The following RALY variants were observed in gnomAD, a reference collection of about 807,000 sequenced individuals.
The protein encoded by RALY is RALY heterogeneous nuclear ribonucleoprotein.
A neutral mutation model predicts 30.7 loss-of-function variants in RALY; 15 were observed. That is an observed-to-expected ratio of 0.49 (90% confidence interval 0.33 to 0.75). RALY has a LOEUF of 0.75. RALY is among the 30% of genes least tolerant of loss of function. RALY has a pLI of 0.02. For synonymous variants in RALY, 177 were observed against 170.8 expected (o/e 1.04, Z -0.28); for missense variants, 339 against 414.3 (o/e 0.82, Z 1.58).
intron 1 of RALY, among the ~76,000 whole-genome samples, chr20:34,026,974 CAG>C (rs1435005177): frequency 2.0e-5 from 3 of 152,156 alleles, no homozygotes; most frequent in African/African-American, 7.2e-5. Context: ...TAGGCTGACA[CAG>C]AGCCTGGCAG....
At position 34,083,735 on chromosome 20, in the gene RALY, T is replaced by A. The variant is rs2122362933; in HGVS notation, c.*3830T>A. The A allele has an allele frequency of 6.6e-6, 1 of 152,360 alleles. No individual in the cohort carries two copies. The allele number at this position is 152,360 out of a possible 1,614,324, so 9.4% of individuals were successfully genotyped here. A position where few individuals can be genotyped will look rare whatever the true frequency, so the allele number is the denominator to read the frequency against. On this transcript the variant is annotated 3_prime_UTR_variant, in exon 10 of 10. Transcript: ENST00000246194. ...AGGTATTTGCCATCCCTGGCCAGGT[T>A]GACCCGTAAGGTCATAACCTGCCCC...
chr20:34,023,958 T>C (rs888442139), intron 1 of RALY, among the ~76,000 whole-genome samples: 2 of 152,130 alleles, frequency 1.3e-5, no homozygotes, highest in Admixed American at 6.5e-5. Context: ...CCCAGCACTT[T>C]GGGAGTCCAA....
intron 1 of RALY, among the ~76,000 whole-genome samples, chr20:33,999,035 C>T (rs1247241637): frequency 6.8e-6 from 1 of 148,102 alleles, no homozygotes. Flanking sequence ...GAGGCTAAGG[C>T]AGGAGAATCA....
At chr20:34,034,000 T>C (rs1176312965) in intron 2 of RALY, among the ~76,000 whole-genome samples, 1 of 152,080 alleles carries the variant, frequency 6.6e-6, no homozygotes, top group African/African-American at 2.4e-5. Flanking sequence ...TGCTGCAGAG[T>C]GCAGGTTTGA....
chr20:33,994,666 A>T (rs2030511933), intron 1 of RALY, among the ~76,000 whole-genome samples: 1 of 151,388 alleles, frequency 6.6e-6, no homozygotes, highest in South Asian at 2.1e-4. Context: ...GAGAAACAAC[A>T]ACGGGCCCTC....
intron 1 of RALY, among the ~76,000 whole-genome samples, chr20:33,995,779 T>G (rs1382578659): frequency 6.6e-6 from 1 of 152,234 alleles, no homozygotes; most frequent in Non-Finnish European, 1.5e-5. Flanking sequence ...AAGTAAGTTG[T>G]CTGAATTCAG....
intron 1 of RALY, among the ~76,000 whole-genome samples, chr20:34,018,194 G>A (rs1481701189): frequency 6.6e-6 from 1 of 152,220 alleles, no homozygotes; most frequent in Non-Finnish European, 1.5e-5. Flanking sequence ...CCAGATTTAA[G>A]GTTGTAGTAG....
At chr20:34,015,491 A>G (rs904641880) in intron 1 of RALY, among the ~76,000 whole-genome samples, 5 of 152,054 alleles carry the variant, frequency 3.3e-5, no homozygotes, top group African/African-American at 9.7e-5. Context: ...CAGCCATACA[A>G]TGTTTAACTC....
At chr20:34,076,961 G>C (rs1169636230) in intron 7 of RALY, 67 bp from the exon 8 acceptor site, 99 of 1,607,908 alleles carry the variant, frequency 6.2e-5, no homozygotes, top group Non-Finnish European at 7.9e-5. Flanking sequence ...CTTCCGCTAA[G>C]GTGCTGCCCT....
intron 9 of RALY, among the ~76,000 whole-genome samples, chr20:34,079,020 G>A (rs957091191): frequency 1.3e-5 from 2 of 152,216 alleles, no homozygotes; most frequent in Admixed American, 1.3e-4. Context: ...ACAGTCCTTG[G>A]TATGTGGTGA....
At chr20:34,043,807 T>C (rs1006003557) in intron 2 of RALY, among the ~76,000 whole-genome samples, 1 of 152,042 alleles carries the variant, frequency 6.6e-6, no homozygotes, top group Non-Finnish European at 1.5e-5. Context: ...GAATAAGGAG[T>C]AGCCAAACAC....
In RALY at chr20:34,077,086, CGGTGGCGGT is replaced by C. The variant is rs749336492; in HGVS notation, c.720_728del (p.Gly241_Gly243del). ...GCGGCGGCGGCGGTGGTGGTGGCAG[CGGTGGCGGT>C]GGCAGTGGTGGTGGCGGTGGCGGTG... On this transcript the variant is annotated inframe_deletion, in exon 8 of 10. Transcript: ENST00000246194. 7 of 1,603,408 alleles carry C rather than the reference CGGTGGCGGT, an allele frequency of 4.4e-6. No homozygotes were observed. The highest frequency in any genetic ancestry group is 6.0e-6 in the Non-Finnish European group (7 of 1,175,010).
chr20:33,995,879 T>A (rs2030597779), intron 1 of RALY, among the ~76,000 whole-genome samples: 1 of 152,202 alleles, frequency 6.6e-6, no homozygotes, highest in Admixed American at 6.5e-5. Context: ...CCTTGCCACT[T>A]CTTAAAAGGG....
intron 2 of RALY, among the ~76,000 whole-genome samples, chr20:34,056,540 G>A (rs2033249737): frequency 6.6e-6 from 1 of 152,200 alleles, no homozygotes; most frequent in African/African-American, 2.4e-5. Flanking sequence ...GTGTCTGGCA[G>A]TAATAGGTGA....
rs1010205022 is a variant in RALY at position 34,083,897 on chromosome 20, A to G, written c.*3992A>G. ...ATTGATTGATTGAGGTTTTAGGCAA[A>G]TCAAAATCCCTCCACCAGTAGCCAG... On this transcript the variant is annotated 3_prime_UTR_variant, in exon 10 of 10. Coordinates refer to ENST00000246194, the MANE Select transcript of RALY (RefSeq NM_016732.3). 5 of 152,204 alleles carry G rather than the reference A, an allele frequency of 3.3e-5. No homozygotes were observed. Among genetic ancestry groups the G allele is most frequent in the African/African-American group, 9.7e-5 (4 of 41,448 alleles). The allele number at this position is 152,204 out of a possible 1,614,324, so 9.4% of individuals were successfully genotyped here.
At chr20:34,042,397 ACT>A (rs900632934) in intron 2 of RALY, among the ~76,000 whole-genome samples, 2 of 152,056 alleles carry the variant, frequency 1.3e-5, no homozygotes, top group South Asian at 2.1e-4. Flanking sequence ...AGGTGCCCTG[ACT>A]CTCTGCCTGG....
Position 34,025,025 on chromosome 20 carries a change from A to G in RALY, c.-92-6497A>G, listed in dbSNP as rs528548601. ...ATAGATTGGCAAGTTGGCTTGTGGG[A>G]CAAGGGCTATTTGCCCTGTGCCTTT... On this transcript the variant is annotated intron_variant, in intron 1 of 9. Transcript: ENST00000246194. 2.0e-5 allele frequency among the ~76,000 whole-genome samples: 3 copies of G among 152,336 alleles called. No homozygotes were observed. In the South Asian group the frequency reaches 6.2e-4, roughly 32 times the overall value.
chr20:34,013,807 TG>T (rs1357705517), intron 1 of RALY, among the ~76,000 whole-genome samples: 2 of 152,202 alleles, frequency 1.3e-5, no homozygotes, highest in African/African-American at 4.8e-5. Context: ...ATTTCCCTTG[TG>T]TCTCTGAAAT....
chr20:34,035,817 CAGG>C (rs1327495775), intron 2 of RALY, among the ~76,000 whole-genome samples: 3 of 152,218 alleles, frequency 2.0e-5, no homozygotes, highest in African/African-American at 4.8e-5. Flanking sequence ...AGAAAAATAG[CAGG>C]GTAAGGGAAT....
Sources: allele counts gnomAD v4.1 joint callset (sites outside exome capture counted in the v4.1 genomes callset), GRCh38; gene constraint gnomAD v4.1.1; transcripts MANE v1.5; gene names NCBI Gene and HGNC (gene_info 2026-07-23, HGNC 2026-07-21).